The following MARVELD2 variants were observed in gnomAD, a reference collection of about 807,000 sequenced individuals.
MARVELD2 encodes MARVEL domain-containing protein 2.
In MARVELD2, 49 loss-of-function variants were observed where a neutral mutation model predicts 57.6. That is an observed-to-expected ratio of 0.85 (90% CI 0.68 to 1.08). MARVELD2 has a LOEUF of 1.08. Ranked by LOEUF, MARVELD2 falls within the 50% of genes least tolerant of loss-of-function variation. The probability of loss-of-function intolerance (pLI) is 0.00; values close to 1 mark genes in which losing one functional copy is unlikely to be tolerated. For synonymous variants in MARVELD2, 238 were observed against 258.8 expected, an observed-to-expected ratio of 0.92 and a Z score of 0.77; for missense variants, 606 against 701.1, an observed-to-expected ratio of 0.86 and a Z score of 1.53.
At chr5:69,429,344 CAA>C (rs1357747651) in intron 3 of MARVELD2, among the ~76,000 whole-genome samples, 1 of 152,110 alleles carries the variant, frequency 6.6e-6, no homozygotes, top group Non-Finnish European at 1.5e-5. Flanking sequence ...AATCAGGAAA[CAA>C]AGGATTTTTA....
At chr5:69,441,388 A>C in intron 6 of MARVELD2, 144 bp from the exon 7 acceptor site, 14 of 865,578 alleles carry the variant, frequency 1.6e-5, no homozygotes, top group Middle Eastern at 3.3e-4. Context: ...AAAAATATGT[A>C]GAGAGCTTAA....
intron 1 of MARVELD2, 140 bp from the exon 2 acceptor site, chr5:69,419,231 T>C (rs1766519821): frequency 1.1e-6 from 1 of 918,096 alleles, no homozygotes; most frequent in Admixed American, 2.1e-5. Context: ...CGGTATCATA[T>C]TTATCATTTT....
At chr5:69,419,009 C>T (rs1766511699) in intron 1 of MARVELD2, 1 of 234,570 alleles carries the variant, frequency 4.3e-6, no homozygotes, top group Non-Finnish European at 8.3e-6. Context: ...CTCACTGCAA[C>T]CTCTGCCTCC....
At position 69,420,073 on chromosome 5, in the gene MARVELD2, C is replaced by A. The variant is rs778764358; in HGVS notation, c.688C>A (p.Pro230Thr). 2 of 1,613,994 alleles carry A rather than the reference C, an allele frequency of 1.2e-6. No homozygotes were observed. The highest frequency in any genetic ancestry group is 1.7e-6 in the Non-Finnish European group (2 of 1,180,042). Residue 230 changes from proline (P) to threonine (T), a missense_variant, in exon 2 of 7, where the codon CCG becomes ACG. Coordinates refer to ENST00000325631, the MANE Select transcript of MARVELD2 (RefSeq NM_001038603.3). ...GTACAACTTGTTTGGATATTCACAA[C>A]CGTATGGCATGGGAGGCGTTGGTGG... is the stretch of plus-strand genomic sequence containing the variant. ...EWYNLFGYSQ[P>T]YGMGGVGGLG...
intron 2 of MARVELD2, among the ~76,000 whole-genome samples, chr5:69,423,572 T>G (rs908139564): frequency 6.6e-6 from 1 of 151,982 alleles, no homozygotes; most frequent in African/African-American, 2.4e-5. Context: ...AAAAATAGTT[T>G]TATAACAAGT....
At chr5:69,440,350 A>G in intron 5 of MARVELD2, 100 bp from the exon 6 acceptor site, 2 of 639,784 alleles carry the variant, frequency 3.1e-6, no homozygotes, top group South Asian at 3.5e-5. Context: ...TTATTTTCTT[A>G]GGTAAAAATT....
rs1169469098 is a variant in MARVELD2 at position 69,443,676 on chromosome 5, C to T, written c.*2022C>T. 1 of 152,084 alleles carries T rather than the reference C, an allele frequency of 6.6e-6. No individual in the cohort carries two copies. The highest frequency in any genetic ancestry group is 1.9e-4 in the East Asian group (1 of 5,192). The allele number at this position is 152,084 out of a possible 1,614,324, so 9.4% of individuals were successfully genotyped here. A position where few individuals can be genotyped will look rare whatever the true frequency, so the allele number is the denominator to read the frequency against. ...AGATAAATTCCCAGGTGTAGCATTA[C>T]AGCTTCTGACTAATATAGCTGCCAT... On this transcript the variant is annotated 3_prime_UTR_variant, in exon 7 of 7. Coordinates refer to ENST00000325631, the MANE Select transcript of MARVELD2 (RefSeq NM_001038603.3).
intron 2 of MARVELD2, among the ~76,000 whole-genome samples, chr5:69,422,138 T>A (rs930114761): frequency 3.3e-5 from 5 of 152,142 alleles, no homozygotes; most frequent in Non-Finnish European, 5.9e-5. Context: ...GACCGTGTGA[T>A]GATTGAGTTA....
At chr5:69,422,131 C>T (rs753341033) in intron 2 of MARVELD2, among the ~76,000 whole-genome samples, 25 of 151,934 alleles carry the variant, frequency 1.6e-4, no homozygotes, top group Middle Eastern at 3.2e-3. Flanking sequence ...GCCTCAGGAC[C>T]GTGTGATGAT....
chr5:69,433,153 C>CT lies in MARVELD2; in HGVS notation c.1503+84dup, dbSNP rs11345515. 110,272 of 464,372 alleles carry CT rather than the reference C, an allele frequency of 0.24. 7,828 individuals are homozygous for CT. Among genetic ancestry groups the CT allele is most frequent in the Non-Finnish European group, 0.27 (76,130 of 285,018 alleles). 28.8% of individuals were successfully genotyped at this position (464,372 alleles called of 1,614,324 possible). A position where few individuals can be genotyped will look rare whatever the true frequency, so the allele number is the denominator to read the frequency against. ...AATCTAGAGGATGAATAAAATCTGGCTTTTTTTTTTTTTTTTTTTTTTTTC... is the reference window on the plus strand; with the variant it reads ...AATCTAGAGGATGAATAAAATCTGGCTTTTTTTTTTTTTTTTTTTTTTTTTC... On this transcript the variant is annotated intron_variant, in intron 5 of 6. Coordinates refer to ENST00000325631, the MANE Select transcript of MARVELD2 (RefSeq NM_001038603.3).
Position 69,420,017 on chromosome 5 carries a change from T to C in MARVELD2, c.632T>C (p.Val211Ala). 1 of 1,614,178 alleles carries C rather than the reference T, an allele frequency of 6.2e-7. No individual in the cohort carries two copies. The highest frequency in any genetic ancestry group is 8.5e-7 in the Non-Finnish European group (1 of 1,180,038). ...TTGGGGGCCGGTGTCTTTGCTTGTG[T>C]CACAGCTTACATTCACAAGGACAGT... Reference protein sequence around the residue: ...LLLGAGVFACVTAYIHKDSEW... With the variant: ...LLLGAGVFACATAYIHKDSEW... The change falls in exon 2 of 7, where the codon GTC becomes GCC. Residue 211 changes from valine (V) to alanine (A), a missense_variant. Coordinates refer to ENST00000325631, the MANE Select transcript of MARVELD2 (RefSeq NM_001038603.3).
chr5:69,433,181 T>C, intron 5 of MARVELD2, 88 bp downstream of exon 5: 1 of 1,207,214 alleles, frequency 8.3e-7, no homozygotes, highest in Non-Finnish European at 1.2e-6. Flanking sequence ...TTTTTTTCTG[T>C]GAGACAGAGT....
chr5:69,436,402 AACACACACACACACACACACACACAC>A (rs66984523), intron 5 of MARVELD2, among the ~76,000 whole-genome samples: 28 of 123,908 alleles, frequency 2.3e-4, no homozygotes, highest in Admixed American at 5.3e-4. Flanking sequence ...TATGTATGGG[AACACACACACACACACACACACACAC>A]ACACACACAC....
chr5:69,429,753 A>G (rs532133497), intron 3 of MARVELD2, among the ~76,000 whole-genome samples: 5 of 147,526 alleles, frequency 3.4e-5, no homozygotes, highest in African/African-American at 1.2e-4. Context: ...CCAAGGAGGG[A>G]GGATAGGTTG....
At chr5:69,439,508 C>G (rs985617276) in intron 5 of MARVELD2, among the ~76,000 whole-genome samples, 1 of 151,650 alleles carries the variant, frequency 6.6e-6, no homozygotes, top group Non-Finnish European at 1.5e-5. Flanking sequence ...AATCCCAGTA[C>G]TTTGGGAGGC....
At chr5:69,423,715 C>T (rs574746045) in intron 2 of MARVELD2, among the ~76,000 whole-genome samples, 2 of 152,094 alleles carry the variant, frequency 1.3e-5, no homozygotes, top group East Asian at 1.9e-4. Flanking sequence ...TCAAGCAATC[C>T]TCTCCCCTCA....
At chr5:69,422,685 A>G (rs1354641616) in intron 2 of MARVELD2, among the ~76,000 whole-genome samples, 1 of 152,074 alleles carries the variant, frequency 6.6e-6, no homozygotes, top group Non-Finnish European at 1.5e-5. Flanking sequence ...CTTGTAAAGC[A>G]TGTGATCTCT....
intron 4 of MARVELD2, 49 bp from the exon 5 acceptor site, chr5:69,432,873 G>C: frequency 6.2e-7 from 1 of 1,609,390 alleles, no homozygotes; most frequent in Middle Eastern, 1.7e-4. Context: ...TTCCCATTCA[G>C]CTTCTTTTAG....
chr5:69,429,891 GTTATTTAT>G (rs35994741), intron 3 of MARVELD2, among the ~76,000 whole-genome samples: 4 of 147,888 alleles, frequency 2.7e-5, no homozygotes, highest in East Asian at 2.0e-4. Context: ...ATAGTTCTGG[GTTATTTAT>G]TTATTTATTT....
Sources: allele counts gnomAD v4.1 joint callset (sites outside exome capture counted in the v4.1 genomes callset), GRCh38; gene constraint gnomAD v4.1.1; transcripts MANE v1.5; gene names NCBI Gene and HGNC (gene_info 2026-07-23, HGNC 2026-07-21).